MS4A2: variants seen among roughly 807,000 people sequenced by gnomAD.
The protein encoded by MS4A2 is membrane spanning 4-domains A2, also known as high affinity immunoglobulin epsilon receptor subunit beta.
In MS4A2, 26 loss-of-function variants were observed where a neutral mutation model predicts 27.9. That is an observed-to-expected ratio of 0.93 (90% confidence interval 0.68 to 1.29). The LOEUF (loss-of-function observed/expected upper bound fraction) is 1.29. Ranked by LOEUF, MS4A2 falls within the 50% of genes most tolerant of loss-of-function variation. The pLI, the probability that MS4A2 is intolerant of heterozygous loss-of-function variation, is 0.00. For missense variants in MS4A2, 284 were observed against 284.6 expected, an observed-to-expected ratio of 1.00 and a Z score of 0.01; for synonymous variants, 110 against 98.8, an observed-to-expected ratio of 1.11 and a Z score of -0.67.
In MS4A2 at chr11:60,097,356, GAT is replaced by G. The variant is rs1855887613; in HGVS notation, c.*1702_*1703del. Reference sequence around the variant, plus strand: ...CTTGGGCAAGAGAAAAGTCCACAGTGATAAGCAACTCCACCTAAGGCATGAAT... The same window carrying G: ...CTTGGGCAAGAGAAAAGTCCACAGTGAAGCAACTCCACCTAAGGCATGAAT... On this transcript the variant is annotated 3_prime_UTR_variant, in exon 7 of 7. Coordinates refer to ENST00000278888, the MANE Select transcript of MS4A2 (RefSeq NM_000139.5). 6.6e-6 allele frequency: 1 copy of G among 152,216 alleles called. No individual in the cohort carries two copies. The highest frequency in any genetic ancestry group is 1.5e-5 in the Non-Finnish European group (1 of 68,040). The allele number at this position is 152,216 out of a possible 1,614,324, so 9.4% of individuals were successfully genotyped here.
At chr11:60,093,730 A>G in intron 5 of MS4A2, 172 bp downstream of exon 5, 1 of 989,082 alleles carries the variant, frequency 1.0e-6, no homozygotes, top group Non-Finnish European at 1.6e-6. Context: ...ACTCCCCTCA[A>G]CCCAGGCAAA....
chr11:60,092,647 A>T, intron 3 of MS4A2, 145 bp from the exon 4 acceptor site: 1 of 710,916 alleles, frequency 1.4e-6, no homozygotes, highest in Non-Finnish European at 2.5e-6. Context: ...AAATAAGAAT[A>T]AGAAAATATT....
intron 1 of MS4A2, among the ~76,000 whole-genome samples, chr11:60,089,364 G>T (rs1436562363): frequency 6.6e-6 from 1 of 152,226 alleles, no homozygotes; most frequent in Non-Finnish European, 1.5e-5. Context: ...AGGATTGTGA[G>T]ATGCATAGGT....
In MS4A2 at chr11:60,090,747, T is replaced by G. The variant is rs550626265; in HGVS notation, c.321+277T>G. On this transcript the variant is annotated intron_variant, in intron 3 of 6. Transcript: ENST00000278888. ...ATGACTTGCCTAAGGGCCACTTGAC[T>G]AATAGTAATTGAACCTAAACTTTCA... 5.3e-5 allele frequency among the ~76,000 whole-genome samples: 8 copies of G among 152,364 alleles called. No individual in the cohort carries two copies. In the East Asian group the frequency reaches 1.3e-3, roughly 26 times the overall value.
chr11:60,093,722 TC>T (rs1855813823), intron 5 of MS4A2, 164 bp downstream of exon 5: 1 of 1,061,102 alleles, frequency 9.4e-7, no homozygotes, highest in Middle Eastern at 2.0e-4. Flanking sequence ...GGCTGCCCAC[TC>T]CCCTCAACCC....
chr11:60,088,496 T>G (rs191561298), upstream of MS4A2: 4 of 742,356 alleles, frequency 5.4e-6, no homozygotes, highest in East Asian at 1.9e-4. Context: ...CAGGCAAAAT[T>G]ATGCTCCAGG....
At chr11:60,091,976 T>C (rs1358299110) in intron 3 of MS4A2, among the ~76,000 whole-genome samples, 1 of 152,242 alleles carries the variant, frequency 6.6e-6, no homozygotes, top group Admixed American at 6.5e-5. Context: ...AATATCATCA[T>C]GTACATTTTC....
At chr11:60,091,132 T>A (rs1197634903) in intron 3 of MS4A2, among the ~76,000 whole-genome samples, 1 of 152,018 alleles carries the variant, frequency 6.6e-6, no homozygotes, top group Non-Finnish European at 1.5e-5. Context: ...GCCTGGGCAA[T>A]AAGAGCGAAA....
intron 3 of MS4A2, 101 bp from the exon 4 acceptor site, chr11:60,092,691 C>T (rs547221766): frequency 1.8e-5 from 18 of 1,008,774 alleles, no homozygotes; most frequent in African/African-American, 3.2e-5. Flanking sequence ...GTAACTTTAT[C>T]GAGTACCCCA....
In MS4A2 at chr11:60,094,022, T is replaced by A. The variant is rs762416350; in HGVS notation, c.596T>A (p.Leu199His). ...TILGLGSAVSLTICGAGEELK... is the reference protein window; with the variant it reads ...TILGLGSAVSHTICGAGEELK... ...CTGGGACTTGGTAGTGCTGTGTCACTCACAATCTGTGGAGCTGGGGAAGAA... is the reference window on the plus strand; with the variant it reads ...CTGGGACTTGGTAGTGCTGTGTCACACACAATCTGTGGAGCTGGGGAAGAA... The change falls in exon 6 of 7, where the codon CTC becomes CAC. Residue 199 changes from leucine to histidine, a missense_variant. Physicochemically the swap from Leu to His is moderately conservative, Grantham distance 99 (BLOSUM62 -3). Coordinates refer to ENST00000278888, the MANE Select transcript of MS4A2 (RefSeq NM_000139.5). 6 of 1,613,958 alleles carry A rather than the reference T, an allele frequency of 3.7e-6. No homozygotes were observed. Among genetic ancestry groups the A allele is most frequent in the East Asian group, 4.5e-5 (2 of 44,900 alleles).
chr11:60,090,790 C>T (rs1855745682), intron 3 of MS4A2, among the ~76,000 whole-genome samples: 1 of 152,176 alleles, frequency 6.6e-6, no homozygotes, highest in South Asian at 2.1e-4. Flanking sequence ...ACTCCAGGAA[C>T]ATACTTCTAG....
At chr11:60,093,839 T>C in intron 5 of MS4A2, 125 bp from the exon 6 acceptor site, 1 of 751,482 alleles carries the variant, frequency 1.3e-6, no homozygotes, top group Non-Finnish European at 2.3e-6. Flanking sequence ...TGTGTGTGTA[T>C]GTGTCACTTT....
Position 60,095,934 on chromosome 11 carries a change from T to A in MS4A2, c.*278T>A, listed in dbSNP as rs1855862015. 2.3e-6 allele frequency: 1 copy of A among 428,240 alleles called. No individual in the cohort carries two copies. The highest frequency in any genetic ancestry group is 2.0e-5 in the African/African-American group (1 of 49,734). The allele number at this position is 428,240 out of a possible 1,614,324, so 26.5% of individuals were successfully genotyped here. ...ACATGTAGTAAGCAAGATTTAACTG[T>A]TTGATTATAACTGTGCAAATACAGA... On this transcript the variant is annotated 3_prime_UTR_variant, in exon 7 of 7. Transcript: ENST00000278888.
intron 5 of MS4A2, 94 bp downstream of exon 5, chr11:60,093,652 C>T: frequency 6.7e-7 from 1 of 1,490,138 alleles, no homozygotes; most frequent in South Asian, 1.1e-5. Flanking sequence ...CCATCCTTTT[C>T]TGTAACTTCT....
At chr11:60,094,658 T>C (rs1030799943) in intron 6 of MS4A2, among the ~76,000 whole-genome samples, 1 of 152,020 alleles carries the variant, frequency 6.6e-6, no homozygotes, top group Non-Finnish European at 1.5e-5. Flanking sequence ...TTAAAATCAC[T>C]CTCCTCCAGG....
intron 3 of MS4A2, among the ~76,000 whole-genome samples, chr11:60,091,986 C>T (rs1424790584): frequency 6.6e-6 from 1 of 152,104 alleles, no homozygotes; most frequent in Non-Finnish European, 1.5e-5. Context: ...TGTACATTTT[C>T]ATAATTACTC....
At chr11:60,090,191 C>A in intron 2 of MS4A2, 145 bp from the exon 3 acceptor site, 1 of 847,798 alleles carries the variant, frequency 1.2e-6, no homozygotes, top group South Asian at 1.5e-5. Context: ...GCTAGGGTAT[C>A]CTGGAAAATC....
rs868436268 is a variant in MS4A2 at position 60,093,729 on chromosome 11, A to C, written c.537+171A>C. Reference sequence around the variant, plus strand: ...GAGATGCTGGCTGCCCACTCCCCTCAACCCAGGCAAATTCCTCGGGGTTAA... The same window carrying C: ...GAGATGCTGGCTGCCCACTCCCCTCCACCCAGGCAAATTCCTCGGGGTTAA... On this transcript the variant is annotated intron_variant, in intron 5 of 6. Coordinates refer to ENST00000278888, the MANE Select transcript of MS4A2 (RefSeq NM_000139.5). 9.1e-6 allele frequency: 9 copies of C among 992,246 alleles called. No individual in the cohort carries two copies. In the Middle Eastern group the frequency reaches 1.9e-3, roughly 206 times the overall value. 61.5% of individuals were successfully genotyped at this position (992,246 alleles called of 1,614,324 possible). A position where few individuals can be genotyped will look rare whatever the true frequency, so the allele number is the denominator to read the frequency against.
intron 1 of MS4A2, 152 bp from the exon 2 acceptor site, chr11:60,089,540 T>A: frequency 9.5e-7 from 1 of 1,050,110 alleles, no homozygotes; most frequent in South Asian, 1.3e-5. Context: ...ACTTGGATGC[T>A]CTGAGCTTTA....
Sources: gnomAD v4.1 joint callset for allele counts (sites outside exome capture counted in the v4.1 genomes callset) on GRCh38, gnomAD v4.1.1 for gene constraint, MANE v1.5 for transcripts, NCBI Gene and HGNC (gene_info 2026-07-23, HGNC 2026-07-21) for gene names.